DPP6: variants seen among roughly 807,000 people sequenced by gnomAD.
The protein encoded by DPP6 is A-type potassium channel modulatory protein DPP6.
DPP6 carries 69 observed loss-of-function variants against 122.6 expected under a neutral mutation model. That is an observed-to-expected ratio of 0.56 (90% CI 0.46 to 0.69). DPP6 has a LOEUF of 0.69. Among genes scored for constraint, DPP6 ranks in the 30% least tolerant of loss-of-function variants. The pLI is 0.00. For missense variants in DPP6, 928 were observed against 1,116.9 expected (o/e 0.83, Z 2.41); for synonymous variants, 418 against 433.1 (o/e 0.97, Z 0.43).
rs552348455 is a variant in DPP6 at position 154,483,773 on chromosome 7, C to A, written c.457+8736C>A. Among the ~76,000 whole-genome samples, 9 of 152,340 alleles carry A rather than the reference C, an allele frequency of 5.9e-5. No homozygotes were observed. The South Asian group carries it at 1.9e-3, about 32-fold the overall frequency. On this transcript the variant is annotated intron_variant, in intron 3 of 25. Transcript: ENST00000377770. This position sits in a 1 kb window ranked among gnomAD's most constrained non-coding sequence, Gnocchi z 8.1. ...GCAGTGGCACAATCTTGGCTCACTG[C>A]AACCTCCACCTCCCGGGTTCAAGCG...
chr7:154,565,787 A>C (rs527386252), intron 4 of DPP6, among the ~76,000 whole-genome samples: 1 of 152,224 alleles, frequency 6.6e-6, no homozygotes, highest in South Asian at 2.1e-4. Flanking sequence ...GGCCTCCCAA[A>C]GTGCTGGGAT....
rs142251682 is a variant in DPP6, at chr7:154,592,110, A to G, written c.627+25194A>G. On this transcript the variant is annotated intron_variant, in intron 5 of 25. Transcript: ENST00000377770. Reference sequence around the variant, plus strand: ...CCAGTGGCCCCTCAGTCCCAGCTACAGATGGACTTTGAGATCTGATGACAG... The same window carrying G: ...CCAGTGGCCCCTCAGTCCCAGCTACGGATGGACTTTGAGATCTGATGACAG... Among the ~76,000 whole-genome samples, 155 of 152,314 alleles carry G rather than the reference A, an allele frequency of 1.0e-3. 1 individual carries two copies. The highest frequency in any genetic ancestry group is 3.6e-3 in the African/African-American group (150 of 41,584).
At chr7:153,830,733 G>A in the DPP6 span, among the ~76,000 whole-genome samples, 2 of 152,150 alleles carry the variant, frequency 1.3e-5, no homozygotes, top group East Asian at 1.9e-4. Flanking sequence ...ATCTCATACC[G>A]AATTTAATAT....
At chr7:154,568,031 T>G (rs1403748167) in intron 5 of DPP6, among the ~76,000 whole-genome samples, 1 of 152,234 alleles carries the variant, frequency 6.6e-6, no homozygotes, top group Non-Finnish European at 1.5e-5. Context: ...AAGGTTTTCA[T>G]TTTTTCCATC....
At position 154,338,622 on chromosome 7, in the gene DPP6, C is replaced by T. The variant is rs537614828; in HGVS notation, c.244-107592C>T. Among the ~76,000 whole-genome samples, 7 of 152,008 alleles carry T rather than the reference C, an allele frequency of 4.6e-5. No homozygotes were observed. The South Asian group carries it at 8.3e-4, about 18-fold the overall frequency. On this transcript the variant is annotated intron_variant, in intron 1 of 25. Transcript: ENST00000377770. ...GCACATCGTTTTGAAAGAGTGTGCT[C>T]GGGTTCATCCATCTTATTTCTTCTG...
intron 7 of DPP6, among the ~76,000 whole-genome samples, chr7:154,683,459 T>C (rs912469261): frequency 1.8e-4 from 27 of 152,212 alleles, no homozygotes; most frequent in Non-Finnish European, 2.9e-5. Flanking sequence ...GAATTCTGCT[T>C]TCTTGGTATC....
chr7:154,852,387 G>A lies in DPP6; in HGVS notation c.1667-1393G>A, dbSNP rs186677871. ...GCCACAGTGTTCCCACAGTGCATCTGTCTCCCTGGGACCACCCACTTCCCA... is the reference window on the plus strand; with the variant it reads ...GCCACAGTGTTCCCACAGTGCATCTATCTCCCTGGGACCACCCACTTCCCA... On this transcript the variant is annotated intron_variant, in intron 16 of 25. Transcript: ENST00000377770. 2.1e-3 allele frequency among the ~76,000 whole-genome samples: 322 copies of A among 152,232 alleles called. 1 individual carries two copies. Among genetic ancestry groups the A allele is most frequent in the Non-Finnish European group, 3.6e-3 (248 of 68,010 alleles).
At chr7:154,387,255 A>G (rs1814198794) in intron 1 of DPP6, among the ~76,000 whole-genome samples, 1 of 152,164 alleles carries the variant, frequency 6.6e-6, no homozygotes, top group South Asian at 2.1e-4. Context: ...GGCTTTCTTG[A>G]TATGTGCTGG....
chr7:154,117,173 C>T (rs1333399881), intron 1 of DPP6, among the ~76,000 whole-genome samples: 1 of 151,760 alleles, frequency 6.6e-6, no homozygotes, highest in Non-Finnish European at 1.5e-5. Flanking sequence ...GTTATTGTAT[C>T]ATTTAAATTT....
At chr7:154,827,772 C>G (rs564632738) in intron 16 of DPP6, among the ~76,000 whole-genome samples, 1 of 132,238 alleles carries the variant, frequency 7.6e-6, no homozygotes, top group African/African-American at 3.0e-5. Flanking sequence ...GAGGGGGTGT[C>G]TCCCAGAAAG....
intron 5 of DPP6, among the ~76,000 whole-genome samples, chr7:154,595,409 G>T (rs892154889): frequency 8.5e-5 from 13 of 152,098 alleles, no homozygotes. Context: ...GAACTCTTGG[G>T]CTTCCATTTT....
chr7:154,125,633 G>A (rs193153859), intron 1 of DPP6, among the ~76,000 whole-genome samples: 8 of 152,296 alleles, frequency 5.3e-5, no homozygotes, highest in Admixed American at 5.2e-4. Flanking sequence ...GCACAAAAAT[G>A]AATTCACACT....
chr7:154,400,971 G>A (rs549826222), intron 1 of DPP6, among the ~76,000 whole-genome samples: 2 of 152,152 alleles, frequency 1.3e-5, no homozygotes, highest in African/African-American at 4.8e-5. Flanking sequence ...GGGAGGCTGA[G>A]GAGGGCAGAT....
chr7:154,522,773 TTCCCAGCG>T (rs1214752401), intron 3 of DPP6, among the ~76,000 whole-genome samples: 5 of 152,196 alleles, frequency 3.3e-5, no homozygotes, highest in Non-Finnish European at 7.3e-5. Flanking sequence ...GCTGTAGAGC[TTCCCAGCG>T]TCTGCTCAGG....
In DPP6 at chr7:154,225,238, T is replaced by A. The variant is rs138756569; in HGVS notation, c.243+172175T>A. 1.3e-3 allele frequency among the ~76,000 whole-genome samples: 197 copies of A among 152,262 alleles called. 1 individual carries two copies. The highest frequency in any genetic ancestry group is 4.6e-3 in the African/African-American group (192 of 41,544). On this transcript the variant is annotated intron_variant, in intron 1 of 25. Coordinates refer to ENST00000377770, the MANE Select transcript of DPP6 (RefSeq NM_130797.4). Reference sequence around the variant, plus strand: ...CAAGAAATTACCTTTATACCTCGAATCCCTTTTGATTTTTAGAAAAATAAG... The same window carrying A: ...CAAGAAATTACCTTTATACCTCGAAACCCTTTTGATTTTTAGAAAAATAAG...
chr7:154,098,182 TAGTG>T (rs1805469637), intron 1 of DPP6, among the ~76,000 whole-genome samples: 1 of 152,150 alleles, frequency 6.6e-6, no homozygotes. Context: ...TTTCTCATGA[TAGTG>T]AGTTCTCACG....
At chr7:154,823,682 A>T (rs1394655263) in intron 16 of DPP6, among the ~76,000 whole-genome samples, 3 of 152,226 alleles carry the variant, frequency 2.0e-5, no homozygotes, top group African/African-American at 7.2e-5. Flanking sequence ...TCCAGGCAGA[A>T]ACTAGAGGAC....
At position 154,772,877 on chromosome 7, in the gene DPP6, C is replaced by T. The variant is rs764350772; in HGVS notation, c.1071C>T (p.His357=). 25 of 1,613,044 alleles carry T rather than the reference C, an allele frequency of 1.5e-5. No individual in the cohort carries two copies. The highest frequency in any genetic ancestry group is 1.6e-4 in the Middle Eastern group (1 of 6,084). Residue 357 remains histidine (H), a synonymous_variant, in exon 10 of 26, where the codon CAC becomes CAT. Transcript: ENST00000377770. ...AGSENPSISL[H]VIGLNGPTHD... ...GTGAGAACCCCAGCATTTCCCTACA[C>T]GTTATTGGCTTAAATGGACCCACCC...
chr7:153,965,517 A>G (rs1048838220), intron 1 of DPP6, among the ~76,000 whole-genome samples: 1 of 151,806 alleles, frequency 6.6e-6, no homozygotes, highest in African/African-American at 2.4e-5. Context: ...TTTTTATTTT[A>G]TTTTTTATTT....
Sources: allele counts gnomAD v4.1 joint callset (sites outside exome capture counted in the v4.1 genomes callset), GRCh38; gene constraint gnomAD v4.1.1; non-coding constraint Gnocchi (gnomAD v3.1); transcripts MANE v1.5; gene names NCBI Gene and HGNC (gene_info 2026-07-23, HGNC 2026-07-21).